The following RNGTT variants were observed in gnomAD, a reference collection of about 807,000 sequenced individuals.
RNGTT encodes RNA guanylyltransferase and 5'-phosphatase.
RNGTT carries 33 observed loss-of-function variants against 79.3 expected under a neutral mutation model. The ratio of observed to expected loss-of-function variants is 0.42; its 90% CI spans 0.32 to 0.56. The LOEUF is 0.56. Ranked by LOEUF, RNGTT falls within the 20% of genes least tolerant of loss-of-function variation. The probability of loss-of-function intolerance (pLI) is 0.17; values close to 1 mark genes in which losing one functional copy is unlikely to be tolerated. For synonymous variants in RNGTT, 222 were observed against 235.9 expected, an observed-to-expected ratio of 0.94 and a Z score of 0.54; for missense variants, 497 against 739.1, an observed-to-expected ratio of 0.67 and a Z score of 3.80.
chr6:88,701,447 CGT>C (rs1775941943), intron 13 of RNGTT, among the ~76,000 whole-genome samples: 2 of 151,824 alleles, frequency 1.3e-5, no homozygotes, highest in African/African-American at 2.4e-5. Context: ...CCTATATATG[CGT>C]GTGTATATTT....
intron 11 of RNGTT, among the ~76,000 whole-genome samples, chr6:88,836,560 G>A (rs768394228): frequency 3.3e-5 from 5 of 151,958 alleles, no homozygotes; most frequent in Non-Finnish European, 5.9e-5. Context: ...AGGGGAACAC[G>A]GTGAAACCCC....
At chr6:88,940,551 G>T (rs1347816977) in intron 2 of RNGTT, among the ~76,000 whole-genome samples, 1 of 152,210 alleles carries the variant, frequency 6.6e-6, no homozygotes, top group Non-Finnish European at 1.5e-5. Context: ...GTAGCTCAGG[G>T]TGTGGTTGTT....
intron 6 of RNGTT, among the ~76,000 whole-genome samples, chr6:88,904,490 G>C (rs1369987354): frequency 6.6e-6 from 1 of 151,968 alleles, no homozygotes; most frequent in African/African-American, 2.4e-5. Context: ...TGAGGTGGGA[G>C]GATCACTTGA....
At chr6:88,720,831 C>G (rs1776684831) in intron 13 of RNGTT, among the ~76,000 whole-genome samples, 2 of 152,088 alleles carry the variant, frequency 1.3e-5, no homozygotes, top group Non-Finnish European at 2.9e-5. Context: ...AAGGCACGTT[C>G]TAGCTGAGAA....
chr6:88,924,458 T>C (rs191775681), intron 4 of RNGTT, among the ~76,000 whole-genome samples: 2 of 152,344 alleles, frequency 1.3e-5, no homozygotes, highest in Admixed American at 1.3e-4. Context: ...ATTAACTTTT[T>C]ATGTCACATA....
intron 13 of RNGTT, among the ~76,000 whole-genome samples, chr6:88,701,078 G>A (rs891643009): frequency 6.6e-5 from 10 of 151,920 alleles, no homozygotes; most frequent in East Asian, 1.9e-4. Flanking sequence ...TGAATGTTAC[G>A]TATGGAAGAA....
chr6:88,816,810 G>C (rs543098536), intron 11 of RNGTT, among the ~76,000 whole-genome samples: 1 of 152,068 alleles, frequency 6.6e-6, no homozygotes, highest in Admixed American at 6.6e-5. Flanking sequence ...TAGAAAAGGT[G>C]ACCCAGATAT....
chr6:88,875,103 C>G (rs1167061953), intron 8 of RNGTT, among the ~76,000 whole-genome samples: 1 of 151,676 alleles, frequency 6.6e-6, no homozygotes, highest in East Asian at 1.9e-4. Context: ...TCTATTAAAG[C>G]AGTAAATATT....
chr6:88,614,194 C>A, intron 15 of RNGTT, 78 bp downstream of exon 15: 1 of 1,417,656 alleles, frequency 7.1e-7, no homozygotes. Flanking sequence ...AGCAAAACAA[C>A]AAAGGCAGCA....
intron 2 of RNGTT, among the ~76,000 whole-genome samples, chr6:88,936,902 A>T (rs1784682178): frequency 1.3e-5 from 2 of 152,270 alleles, no homozygotes; most frequent in South Asian, 4.1e-4. Context: ...TTGTTGGGAA[A>T]TGTTTCATTA....
In RNGTT at chr6:88,929,647, T is replaced by C. The variant is rs148927268; in HGVS notation, c.175-380A>G. Among the ~76,000 whole-genome samples the C allele has an allele frequency of 5.5e-4, 83 of 152,184 alleles. 1 individual carries two copies. Among genetic ancestry groups the C allele is most frequent in the Middle Eastern group, 3.4e-3 (1 of 294 alleles). ...GAGGCTAGAGCAGGAATGGCATCTA[T>C]CTGAAGTATACCACAACTCAAGCTC... On this transcript the variant is annotated intron_variant, in intron 2 of 15. Transcript: ENST00000369485.
At chr6:88,918,276 T>C (rs1308237839) in intron 4 of RNGTT, among the ~76,000 whole-genome samples, 6 of 152,080 alleles carry the variant, frequency 3.9e-5, no homozygotes, top group African/African-American at 1.2e-4. Flanking sequence ...TGAGCTATGA[T>C]TGCACCACTG....
chr6:88,790,703 T>C (rs1382992832), intron 12 of RNGTT, among the ~76,000 whole-genome samples: 2 of 152,178 alleles, frequency 1.3e-5, no homozygotes, highest in African/African-American at 2.4e-5. Flanking sequence ...ATATTACTTT[T>C]CTCATAACAA....
intron 13 of RNGTT, among the ~76,000 whole-genome samples, chr6:88,743,591 C>T (rs917552975): frequency 7.2e-5 from 11 of 152,158 alleles, no homozygotes; most frequent in African/African-American, 2.7e-4. Context: ...TTGTATCTGG[C>T]TTATTTCATT....
intron 4 of RNGTT, among the ~76,000 whole-genome samples, chr6:88,927,261 G>A (rs1269073380): frequency 3.9e-5 from 6 of 152,114 alleles, no homozygotes; most frequent in Non-Finnish European, 5.9e-5. Context: ...GGTGGTTCAC[G>A]CCTGTAATCC....
chr6:88,824,523 A>G (rs578175686), intron 11 of RNGTT, among the ~76,000 whole-genome samples: 1 of 152,302 alleles, frequency 6.6e-6, no homozygotes, highest in South Asian at 2.1e-4. Context: ...TAAAATTTAA[A>G]TTAAATGACA....
intron 13 of RNGTT, among the ~76,000 whole-genome samples, chr6:88,748,183 A>C (rs1465876549): frequency 2.0e-5 from 3 of 152,094 alleles, no homozygotes; most frequent in Non-Finnish European, 4.4e-5. Context: ...AAGAAAAAAA[A>C]AGTCAAATCG....
Position 88,922,525 on chromosome 6 carries a change from T to TA in RNGTT, c.367+6459dup, listed in dbSNP as rs532787491. ...TGTTTTTAGATTTCCTCAATTACCT[T>TA]AAAAAAAAATTTTTTTTTTTGAGAT... On this transcript the variant is annotated intron_variant, in intron 4 of 15. Coordinates refer to ENST00000369485, the MANE Select transcript of RNGTT (RefSeq NM_003800.5). 4.1e-3 allele frequency among the ~76,000 whole-genome samples: 618 copies of TA among 151,628 alleles called. 1 individual carries two copies. Among genetic ancestry groups the TA allele is most frequent in the Middle Eastern group, 6.8e-3 (2 of 294 alleles).
chr6:88,900,020 T>C (rs1024062487), intron 6 of RNGTT, among the ~76,000 whole-genome samples: 1 of 152,038 alleles, frequency 6.6e-6, no homozygotes, highest in Non-Finnish European at 1.5e-5. Context: ...TAATTCTCTG[T>C]AGAAGCAAAA....
Sources: gnomAD v4.1 joint callset for allele counts (sites outside exome capture counted in the v4.1 genomes callset) on GRCh38, gnomAD v4.1.1 for gene constraint, MANE v1.5 for transcripts, NCBI Gene and HGNC (gene_info 2026-07-23, HGNC 2026-07-21) for gene names.